CRY1: variants seen among roughly 807,000 people sequenced by gnomAD.
The protein encoded by CRY1 is cryptochrome circadian regulator 1.
Under a neutral mutation model 76.0 loss-of-function variants are expected in CRY1, and 45 were observed. The observed-to-expected ratio is 0.59, with a 90% CI of 0.47 to 0.76. The LOEUF is 0.76. Among genes scored for constraint, CRY1 ranks in the 30% least tolerant of loss-of-function variants. The probability of loss-of-function intolerance (pLI) is 0.00; values close to 1 mark genes in which losing one functional copy is unlikely to be tolerated. For synonymous variants in CRY1, 248 were observed against 244.0 expected, an observed-to-expected ratio of 1.02 and a Z score of -0.15; for missense variants, 587 against 716.4, an observed-to-expected ratio of 0.82 and a Z score of 2.06.
chr12:107,041,835 A>G (rs1952803364), intron 1 of CRY1, among the ~76,000 whole-genome samples: 1 of 152,160 alleles, frequency 6.6e-6, no homozygotes, highest in Admixed American at 6.5e-5. Flanking sequence ...TAAAGCTGTA[A>G]AAGTTGAATA....
intron 1 of CRY1, among the ~76,000 whole-genome samples, chr12:107,058,397 C>T (rs1161118986): frequency 6.6e-6 from 1 of 152,008 alleles, no homozygotes; most frequent in Non-Finnish European, 1.5e-5. Flanking sequence ...AGTAACAGAA[C>T]ACCACAGACA....
At chr12:107,025,229 G>A (rs2136848975) in intron 1 of CRY1, among the ~76,000 whole-genome samples, 1 of 152,252 alleles carries the variant, frequency 6.6e-6, no homozygotes, top group Non-Finnish European at 1.5e-5. Flanking sequence ...GTTTAAAATT[G>A]ATAATTAGCA....
intron 1 of CRY1, among the ~76,000 whole-genome samples, chr12:107,082,521 G>A (rs191704052): frequency 1.3e-5 from 2 of 152,156 alleles, no homozygotes; most frequent in East Asian, 1.9e-4. Context: ...AATCAAATTC[G>A]AATTCAGGAT....
At chr12:107,018,477 C>T (rs1233054146) in intron 2 of CRY1, among the ~76,000 whole-genome samples, 1 of 152,094 alleles carries the variant, frequency 6.6e-6, no homozygotes, top group Admixed American at 6.6e-5. Context: ...ATCTCAGCTA[C>T]GTGGGTGGCT....
At chr12:107,022,736 A>G (rs1952572526) in intron 1 of CRY1, among the ~76,000 whole-genome samples, 1 of 151,920 alleles carries the variant, frequency 6.6e-6, no homozygotes. Context: ...GATTGAAATC[A>G]TAATGCCCAT....
chr12:107,075,231 T>C (rs1953238413), intron 1 of CRY1, among the ~76,000 whole-genome samples: 1 of 152,182 alleles, frequency 6.6e-6, no homozygotes, highest in East Asian at 1.9e-4. Flanking sequence ...GTTCTAGACA[T>C]ATGAAGAGTC....
At position 107,088,280 on chromosome 12, in the gene CRY1, G is replaced by A. The variant is rs1052073048; in HGVS notation, c.158+4524C>T. Among the ~76,000 whole-genome samples the A allele has an allele frequency of 3.3e-5, 5 of 152,138 alleles. No individual in the cohort carries two copies. The South Asian group carries it at 1.0e-3, about 32-fold the overall frequency. On this transcript the variant is annotated intron_variant, in intron 1 of 12. Coordinates refer to ENST00000008527, the MANE Select transcript of CRY1 (RefSeq NM_004075.5). ...AACAATTAATTATTAAAAAGAGACT[G>A]GTATCCCTCCCCTCTCTCTCTCGCC...
At chr12:106,999,012 G>A (rs1247816500) in intron 7 of CRY1, among the ~76,000 whole-genome samples, 4 of 148,922 alleles carry the variant, frequency 2.7e-5, no homozygotes, top group East Asian at 3.9e-4. Context: ...ATTGCACCCC[G>A]GCCTGGGCTA....
At chr12:107,023,469 A>T (rs1413145980) in intron 1 of CRY1, among the ~76,000 whole-genome samples, 1 of 152,208 alleles carries the variant, frequency 6.6e-6, no homozygotes, top group Non-Finnish European at 1.5e-5. Flanking sequence ...TACTGGACAG[A>T]TTGTTCTAAA....
In CRY1 at chr12:107,093,015, C is replaced by T; in HGVS notation, c.-54G>A. ...AGAAATTCAAGGAAGGAGGCTCCGG[C>T]TCATAGCCGACACCTTCGCTTCCAA... On this transcript the variant is annotated 5_prime_UTR_variant, in exon 1 of 13. Transcript: ENST00000008527. 1 of 1,461,270 alleles carries T rather than the reference C, an allele frequency of 6.8e-7. No homozygotes were observed. Among genetic ancestry groups the T allele is most frequent in the Non-Finnish European group, 9.0e-7 (1 of 1,111,600 alleles). The allele number at this position is 1,461,270 out of a possible 1,614,324, so 90.5% of individuals were successfully genotyped here. A position where few individuals can be genotyped will look rare whatever the true frequency, so the allele number is the denominator to read the frequency against.
intron 4 of CRY1, 36 bp from the exon 5 acceptor site, chr12:107,001,404 G>A (rs779426662): frequency 1.2e-5 from 18 of 1,528,700 alleles, no homozygotes; most frequent in Admixed American, 1.9e-5. Flanking sequence ...TCATTCTTCC[G>A]AAACTAATTT....
intron 1 of CRY1, among the ~76,000 whole-genome samples, chr12:107,077,048 G>T (rs1953263778): frequency 6.6e-6 from 1 of 151,970 alleles, no homozygotes; most frequent in African/African-American, 2.4e-5. Context: ...ATATAACTCA[G>T]TCTCAGGTAT....
intron 2 of CRY1, among the ~76,000 whole-genome samples, chr12:107,011,009 C>T (rs1952438263): frequency 6.6e-6 from 1 of 152,112 alleles, no homozygotes; most frequent in South Asian, 2.1e-4. Context: ...TCACTTTCAA[C>T]CAAAAGCTAG....
intron 1 of CRY1, among the ~76,000 whole-genome samples, chr12:107,049,565 T>C (rs528912216): frequency 3.3e-5 from 5 of 151,856 alleles, no homozygotes; most frequent in African/African-American, 7.2e-5. Context: ...TTAAGTAGAG[T>C]TGGGGTTTCA....
rs746169963 is a variant in CRY1, at chr12:106,999,590, T to C, written c.1098A>G (p.Thr366=). Residue 366 remains threonine, a synonymous_variant, in exon 7 of 13, where the codon ACA becomes ACG. Transcript: ENST00000008527. ...CCCAACTAATCCACAGGTCCCCTCG[T>C]GTCAGGAAGCAAGCAACTGCATGCC... The part of the protein sequence containing the change: ...LARHAVACFL[T]RGDLWISWEE... 5.0e-6 allele frequency: 8 copies of C among 1,614,102 alleles called. No individual in the cohort carries two copies. Among genetic ancestry groups the C allele is most frequent in the Non-Finnish European group, 6.8e-6 (8 of 1,180,010 alleles).
chr12:106,997,378 C>T lies in CRY1; in HGVS notation c.1501G>A (p.Ala501Thr). The change falls in exon 10 of 13, where the codon GCA (alanine) becomes ACA (threonine). Residue 501 changes from alanine (A) to threonine (T), a missense_variant. Ala to Thr is a moderately conservative substitution (Grantham distance 58). Transcript: ENST00000008527. ...CCATTAGGATTAGAAGGTACTGATG[C>T]CAGAAGACCTAAAGGACAAAAAAAT... ...LSRYRGLGLL[A>T]SVPSNPNGNG... 6.2e-7 allele frequency: 1 copy of T among 1,613,548 alleles called. No individual in the cohort carries two copies. Among genetic ancestry groups the T allele is most frequent in the Non-Finnish European group, 8.5e-7 (1 of 1,179,818 alleles).
intron 1 of CRY1, among the ~76,000 whole-genome samples, chr12:107,056,963 T>C (rs1001378082): frequency 1.3e-5 from 2 of 152,036 alleles, no homozygotes; most frequent in African/African-American, 4.8e-5. Flanking sequence ...AAAGAGTTTG[T>C]CTCCAAAAGA....
intron 1 of CRY1, among the ~76,000 whole-genome samples, chr12:107,070,664 A>ATTTTTTT (rs61257299): frequency 7.0e-6 from 1 of 142,088 alleles, no homozygotes; most frequent in African/African-American, 2.6e-5. Context: ...GGATTCTCTT[A>ATTTTTTT]TTTTTATTTA....
rs955082932 is a variant in CRY1 at position 107,069,381 on chromosome 12, C to T, written c.158+23423G>A. On this transcript the variant is annotated intron_variant, in intron 1 of 12. Coordinates refer to ENST00000008527, the MANE Select transcript of CRY1 (RefSeq NM_004075.5). ...CTGGGACTACAGGCGCCCGCCACCA[C>T]GCCCAGCTAATTTTTTGTATAAAAT... 1.1e-4 allele frequency among the ~76,000 whole-genome samples: 16 copies of T among 151,330 alleles called. No individual in the cohort carries two copies. The East Asian group carries it at 1.7e-3, about 17-fold the overall frequency.
Sources: gnomAD v4.1 joint callset for allele counts (sites outside exome capture counted in the v4.1 genomes callset) on GRCh38, gnomAD v4.1.1 for gene constraint, MANE v1.5 for transcripts, NCBI Gene and HGNC (gene_info 2026-07-23, HGNC 2026-07-21) for gene names.